Variants in SEPTIN7 observed in about 807,000 individuals in gnomAD.
SEPTIN7 encodes the protein septin-7.
In SEPTIN7, 10 loss-of-function variants were observed where a neutral mutation model predicts 63.3. That is an observed-to-expected ratio of 0.16 (90% CI 0.10 to 0.27). The LOEUF (loss-of-function observed/expected upper bound fraction) is 0.27, where lower values mean the gene tolerates loss of function less well. Ranked by LOEUF, SEPTIN7 falls within the 10% of genes least tolerant of loss-of-function variation. The probability of loss-of-function intolerance (pLI) is 1.00; values close to 1 mark genes in which losing one functional copy is unlikely to be tolerated. For missense variants in SEPTIN7, 310 were observed against 521.0 expected, an observed-to-expected ratio of 0.59 and a Z score of 3.94; for synonymous variants, 131 against 165.3, an observed-to-expected ratio of 0.79 and a Z score of 1.59.
intron 1 of SEPTIN7, among the ~76,000 whole-genome samples, chr7:35,827,023 C>T (rs1275294758): frequency 6.6e-6 from 1 of 152,094 alleles, no homozygotes; most frequent in Non-Finnish European, 1.5e-5. Flanking sequence ...AACTAAGTTA[C>T]CGGATATTGT....
chr7:35,862,587 A>C (rs1010357309), intron 3 of SEPTIN7, among the ~76,000 whole-genome samples: 20 of 152,122 alleles, frequency 1.3e-4, no homozygotes, highest in Non-Finnish European at 2.5e-4. Context: ...TCTAGTAAAA[A>C]TTGGCACGCT....
chr7:35,911,049 T>C (rs1415778929), downstream of SEPTIN7, among the ~76,000 whole-genome samples: 3 of 152,126 alleles, frequency 2.0e-5, no homozygotes, highest in African/African-American at 7.2e-5. Flanking sequence ...GTTGCAGCCA[T>C]GTCAAGACTG....
In SEPTIN7 at chr7:35,873,655, T is replaced by A. The variant is rs1786296402; in HGVS notation, c.392T>A (p.Ile131Asn). 1.2e-6 allele frequency: 2 copies of A among 1,609,634 alleles called. No individual in the cohort carries two copies. The highest frequency in any genetic ancestry group is 1.7e-6 in the Non-Finnish European group (2 of 1,178,540). Residue 131 changes from isoleucine to asparagine, a missense_variant, in exon 6 of 14, where the codon ATC (isoleucine) becomes AAC (asparagine). Ile to Asn is a moderately radical substitution (Grantham distance 149). Coordinates refer to ENST00000350320, the MANE Select transcript of SEPTIN7 (RefSeq NM_001788.6). Reference sequence around the variant, plus strand: ...GCGTTCTATAGCTGGCAGCCTGTTATCGACTACATTGATAGTAAATTTGAG... The same window carrying A: ...GCGTTCTATAGCTGGCAGCCTGTTAACGACTACATTGATAGTAAATTTGAG... ...VDNSNCWQPV[I>N]DYIDSKFEDY... is the part of the protein sequence containing the mutation.
intron 6 of SEPTIN7, among the ~76,000 whole-genome samples, chr7:35,875,559 C>G (rs1361269906): frequency 6.6e-6 from 1 of 152,186 alleles, no homozygotes; most frequent in Non-Finnish European, 1.5e-5. Flanking sequence ...CTACCTCCCT[C>G]TACCAAGTAT....
chr7:35,832,910 G>A lies in SEPTIN7; in HGVS notation c.169+10G>A, dbSNP rs1562532726. The A allele has an allele frequency of 2.1e-6, 3 of 1,459,880 alleles. No individual in the cohort carries two copies. Among genetic ancestry groups the A allele is most frequent in the Non-Finnish European group, 2.9e-6 (3 of 1,040,558 alleles). 90.4% of individuals were successfully genotyped at this position (1,459,880 alleles called of 1,614,324 possible). The stretch of plus-strand genomic sequence containing the variant: ...ACGCTTATGGTAGTGGGTAAGATAT[G>A]ATTTCTTACTAAAATGGAACTTTGG... On this transcript the variant is annotated intron_variant, in intron 3 of 13. Coordinates refer to ENST00000350320, the MANE Select transcript of SEPTIN7 (RefSeq NM_001788.6).
At chr7:35,828,760 A>G (rs1382191973) in intron 1 of SEPTIN7, among the ~76,000 whole-genome samples, 1 of 151,348 alleles carries the variant, frequency 6.6e-6, no homozygotes, top group Non-Finnish European at 1.5e-5. Flanking sequence ...CTAAATCTAT[A>G]TTTTCAGCAC....
At chr7:35,829,004 C>T (rs1238207919) in intron 1 of SEPTIN7, among the ~76,000 whole-genome samples, 1 of 152,084 alleles carries the variant, frequency 6.6e-6, no homozygotes, top group Non-Finnish European at 1.5e-5. Flanking sequence ...CCTAAAATAA[C>T]ATCCATATAC....
At chr7:35,802,242 C>T (rs1406437402) in intron 1 of SEPTIN7, 1 of 353,054 alleles carries the variant, frequency 2.8e-6, no homozygotes, top group Non-Finnish European at 5.8e-6. Flanking sequence ...TTACATTTTC[C>T]ACTCCTGAGT....
intron 4 of SEPTIN7, among the ~76,000 whole-genome samples, chr7:35,867,871 G>GTT (rs1327560972): frequency 6.9e-6 from 1 of 144,294 alleles, no homozygotes. Context: ...TCCATGAAGT[G>GTT]TTTTTTTTTT....
At chr7:35,896,739 T>G (rs1182158526) in intron 11 of SEPTIN7, among the ~76,000 whole-genome samples, 1 of 152,262 alleles carries the variant, frequency 6.6e-6, no homozygotes, top group Admixed American at 6.5e-5. Flanking sequence ...GAACTTTTGA[T>G]TCATTGTTTA....
intron 1 of SEPTIN7, among the ~76,000 whole-genome samples, chr7:35,820,025 G>T (rs1789319490): frequency 6.7e-6 from 1 of 150,286 alleles, no homozygotes. Context: ...CACTCAGGCT[G>T]GAGTGCAGTG....
At chr7:35,845,720 A>G (rs1452420612) in intron 3 of SEPTIN7, among the ~76,000 whole-genome samples, 1 of 152,204 alleles carries the variant, frequency 6.6e-6, no homozygotes, top group Non-Finnish European at 1.5e-5. Flanking sequence ...GTTGCTGAAT[A>G]TTAATGCTAC....
chr7:35,819,506 C>T (rs1195519275), intron 1 of SEPTIN7, among the ~76,000 whole-genome samples: 1 of 152,030 alleles, frequency 6.6e-6, no homozygotes, highest in Non-Finnish European at 1.5e-5. Context: ...TATCATCTGT[C>T]TAGTTGTTTT....
At chr7:35,865,058 A>G (rs1785732041) in intron 4 of SEPTIN7, among the ~76,000 whole-genome samples, 1 of 150,388 alleles carries the variant, frequency 6.6e-6, no homozygotes, top group South Asian at 2.1e-4. Context: ...ATAGGGCTTG[A>G]GATTTAAAAT....
intron 11 of SEPTIN7, among the ~76,000 whole-genome samples, chr7:35,895,780 G>A (rs1196083860): frequency 1.3e-5 from 2 of 152,102 alleles, no homozygotes; most frequent in Non-Finnish European, 2.9e-5. Flanking sequence ...TAAGGCAGGG[G>A]ATTTTAAATA....
intron 7 of SEPTIN7, 49 bp from the exon 8 acceptor site, chr7:35,882,435 A>G (rs763366187): frequency 1.1e-5 from 15 of 1,320,530 alleles, no homozygotes; most frequent in East Asian, 5.9e-5. Context: ...TAAGACTAAT[A>G]TACTAATTAT....
At chr7:35,897,795 A>C (rs1788041281) in intron 11 of SEPTIN7, among the ~76,000 whole-genome samples, 1 of 152,182 alleles carries the variant, frequency 6.6e-6, no homozygotes, top group Admixed American at 6.5e-5. Context: ...CAAAATAAAT[A>C]ATAATTTTTG....
At chr7:35,888,724 G>A in intron 10 of SEPTIN7, 1 of 210,780 alleles carries the variant, frequency 4.7e-6, no homozygotes, top group Non-Finnish European at 1.0e-5. Context: ...GGAGGCTGAG[G>A]TGGGAGGATG....
chr7:35,859,826 A>G (rs867362970), intron 3 of SEPTIN7, among the ~76,000 whole-genome samples: 1 of 152,120 alleles, frequency 6.6e-6, no homozygotes. Flanking sequence ...TACTATTTGC[A>G]TGAAGTATCT....
Sources: allele counts gnomAD v4.1 joint callset (sites outside exome capture counted in the v4.1 genomes callset), GRCh38; gene constraint gnomAD v4.1.1; transcripts MANE v1.5; gene names NCBI Gene and HGNC (gene_info 2026-07-23, HGNC 2026-07-21).